PDE1A: variants seen among roughly 807,000 people sequenced by gnomAD.
The protein encoded by PDE1A is dual specificity calcium/calmodulin-dependent 3',5'-cyclic nucleotide phosphodiesterase 1A.
Under a neutral mutation model 61.7 loss-of-function variants are expected in PDE1A, and 35 were observed. The observed-to-expected ratio is 0.57, with a 90% CI of 0.43 to 0.75. The LOEUF (loss-of-function observed/expected upper bound fraction) is 0.75. Among genes scored for constraint, PDE1A ranks in the 30% least tolerant of loss-of-function variants. PDE1A has a pLI of 0.00. For synonymous variants in PDE1A, 232 were observed against 213.2 expected (o/e 1.09, Z -0.77); for missense variants, 597 against 630.6 (o/e 0.95, Z 0.57).
chr2:182,606,796 G>T, the PDE1A span, among the ~76,000 whole-genome samples: 1 of 152,098 alleles, frequency 6.6e-6, no homozygotes, highest in Non-Finnish European at 1.5e-5. Context: ...CTGAAGGAAT[G>T]GAAGGCCACA....
intron 1 of PDE1A, among the ~76,000 whole-genome samples, chr2:182,412,013 G>A (rs945059609): frequency 7.4e-5 from 11 of 148,582 alleles, no homozygotes; most frequent in Non-Finnish European, 1.2e-4. Context: ...AGCCAACACC[G>A]CACCATTGCA....
At chr2:182,369,163 C>T (rs1056735951) in intron 1 of PDE1A, among the ~76,000 whole-genome samples, 1 of 151,944 alleles carries the variant, frequency 6.6e-6, no homozygotes, top group Admixed American at 6.6e-5. Flanking sequence ...TTTAGTATGC[C>T]TCTCTATTTC....
At chr2:182,332,265 G>C (rs764066306) in intron 1 of PDE1A, among the ~76,000 whole-genome samples, 1 of 151,940 alleles carries the variant, frequency 6.6e-6, no homozygotes, top group Non-Finnish European at 1.5e-5. Context: ...CTTTTTTCAA[G>C]GTTCTTAGCT....
chr2:182,556,312 G>A, the PDE1A span, among the ~76,000 whole-genome samples: 2 of 152,134 alleles, frequency 1.3e-5, no homozygotes, highest in African/African-American at 4.8e-5. Context: ...AGATAATTTG[G>A]CTGTTGGGGT....
intron 1 of PDE1A, among the ~76,000 whole-genome samples, chr2:182,354,755 G>C (rs987346994): frequency 1.3e-5 from 2 of 152,056 alleles, no homozygotes; most frequent in African/African-American, 4.8e-5. Context: ...TTATATGTCA[G>C]ATAACATTCA....
chr2:182,350,041 TTA>T (rs1233539857), intron 1 of PDE1A, among the ~76,000 whole-genome samples: 1 of 152,148 alleles, frequency 6.6e-6, no homozygotes, highest in Non-Finnish European at 1.5e-5. Flanking sequence ...AAAGTTCCAT[TTA>T]TTCCTCTTTC....
intron 13 of PDE1A, among the ~76,000 whole-genome samples, chr2:182,169,159 G>A (rs1402140430): frequency 6.6e-6 from 1 of 151,966 alleles, no homozygotes; most frequent in East Asian, 1.9e-4. Flanking sequence ...GGCTACATAT[G>A]GGTTTTAGAA....
intron 1 of PDE1A, among the ~76,000 whole-genome samples, chr2:182,369,892 T>C (rs1331581471): frequency 6.6e-6 from 1 of 152,174 alleles, no homozygotes; most frequent in East Asian, 1.9e-4. Context: ...GGAGTTTCAT[T>C]GGCTGGGCGC....
At chr2:182,253,540 C>G (rs1448839935) in intron 2 of PDE1A, among the ~76,000 whole-genome samples, 3 of 152,102 alleles carry the variant, frequency 2.0e-5, no homozygotes, top group Admixed American at 1.3e-4. Flanking sequence ...CCAACACCCC[C>G]CTTCATTCTG....
intron 12 of PDE1A, among the ~76,000 whole-genome samples, 190 bp downstream of exon 12, chr2:182,186,278 T>G (rs1685198080): frequency 6.6e-6 from 1 of 152,186 alleles, no homozygotes; most frequent in East Asian, 1.9e-4. Flanking sequence ...TTACTTAGTA[T>G]TTCATATTTT....
At chr2:182,527,017 T>A (rs1690781051), upstream of PDE1A, among the ~76,000 whole-genome samples, 1 of 151,514 alleles carries the variant, frequency 6.6e-6, no homozygotes. Context: ...ATAGAAAAAA[T>A]TATTGGTCAA....
intron 7 of PDE1A, among the ~76,000 whole-genome samples, chr2:182,219,287 T>C (rs1432872586): frequency 6.6e-6 from 1 of 152,040 alleles, no homozygotes; most frequent in Non-Finnish European, 1.5e-5. Flanking sequence ...TATTTTAATA[T>C]AATTTTATTA....
chr2:182,531,737 C>G, the PDE1A span, among the ~76,000 whole-genome samples: 1 of 152,120 alleles, frequency 6.6e-6, no homozygotes, highest in Non-Finnish European at 1.5e-5. Flanking sequence ...CTCTAGAGTA[C>G]ATGTGCACAA....
chr2:182,205,923 T>C lies in PDE1A; in HGVS notation c.902+17A>G. ...TTCCTGAAATTAAATTTCCTCTAGG[T>C]TTTCTCTGAAACTCACCTCCAGTCA... On this transcript the variant is annotated intron_variant, in intron 8 of 13. Coordinates refer to ENST00000351439, the Ensembl canonical transcript of PDE1A. 1 of 1,592,454 alleles carries C rather than the reference T, an allele frequency of 6.3e-7. No homozygotes were observed. Among genetic ancestry groups the C allele is most frequent in the Non-Finnish European group, 8.6e-7 (1 of 1,168,228 alleles).
chr2:182,410,862 T>C (rs552970853), intron 1 of PDE1A, among the ~76,000 whole-genome samples: 1 of 152,304 alleles, frequency 6.6e-6, no homozygotes, highest in South Asian at 2.1e-4. Flanking sequence ...ACTAAGGCCA[T>C]TTACACAGTG....
At chr2:182,675,736 T>C in the PDE1A span, among the ~76,000 whole-genome samples, 1 of 152,220 alleles carries the variant, frequency 6.6e-6, no homozygotes, top group African/African-American at 2.4e-5. Flanking sequence ...CATATACTTG[T>C]TGATCACATG....
At chr2:182,418,830 G>A (rs545669120) in intron 1 of PDE1A, among the ~76,000 whole-genome samples, 21 of 151,840 alleles carry the variant, frequency 1.4e-4, no homozygotes, top group Admixed American at 9.8e-4. Flanking sequence ...CTCTTAAGCC[G>A]GCCCACAGAA....
chr2:182,587,355 TAGAAC>T, the PDE1A span, among the ~76,000 whole-genome samples: 4 of 152,204 alleles, frequency 2.6e-5, no homozygotes, highest in Non-Finnish European at 5.9e-5. Context: ...CATGACAGCC[TAGAAC>T]TTCTCCAACA....
the PDE1A span, among the ~76,000 whole-genome samples, chr2:182,620,210 A>T: frequency 1.8e-4 from 28 of 152,282 alleles, no homozygotes; most frequent in African/African-American, 6.3e-4. Context: ...CAATTAATTG[A>T]GTCAATTTGA....
Sources: gnomAD v4.1 joint callset for allele counts (sites outside exome capture counted in the v4.1 genomes callset) on GRCh38, gnomAD v4.1.1 for gene constraint, MANE v1.5 for transcripts, NCBI Gene and HGNC (gene_info 2026-07-23, HGNC 2026-07-21) for gene names.